The following HMCN1 variants were observed in gnomAD, a reference collection of about 807,000 sequenced individuals.
HMCN1 encodes the protein hemicentin 1, also known as hemicentin-1.
A neutral mutation model predicts 625.9 loss-of-function variants in HMCN1; 321 were observed. The observed-to-expected ratio is 0.51, with a 90% CI of 0.47 to 0.56. HMCN1 has a LOEUF of 0.56. HMCN1 is among the 20% of genes least tolerant of loss of function. The pLI, the probability that HMCN1 is intolerant of heterozygous loss-of-function variation, is 0.00. For synonymous variants in HMCN1, 2,425 were observed against 2,417.6 expected, an observed-to-expected ratio of 1.00 and a Z score of -0.09; for missense variants, 6,588 against 6,887.3, an observed-to-expected ratio of 0.96 and a Z score of 1.54.
At chr1:186,100,890 C>T (rs1660353951) in intron 68 of HMCN1, among the ~76,000 whole-genome samples, 2 of 152,114 alleles carry the variant, frequency 1.3e-5, no homozygotes, top group Non-Finnish European at 2.9e-5. Context: ...TAACTAGATG[C>T]TGTTCTAGAT....
At chr1:185,852,352 TA>T (rs1356495821) in intron 2 of HMCN1, among the ~76,000 whole-genome samples, 1 of 151,796 alleles carries the variant, frequency 6.6e-6, no homozygotes, top group Non-Finnish European at 1.5e-5. Flanking sequence ...ATATGAATTT[TA>T]AAAAAACATA....
chr1:186,117,012 A>G lies in HMCN1; in HGVS notation c.11580A>G (p.Ser3860=). ...QNSYRLLSSG[S]LVIISPSVDD... ...CTTCTAGGCTCCTTTCTTCAGGTTC[A>G]CTAGTAATTATTTCCCCTTCTGTGG... is the stretch of plus-strand genomic sequence containing the variant. The change falls in exon 76 of 107, where the codon TCA becomes TCG. Residue 3860 remains serine, a synonymous_variant. Transcript: ENST00000271588. 1 of 1,613,154 alleles carries G rather than the reference A, an allele frequency of 6.2e-7. No homozygotes were observed. Among genetic ancestry groups the G allele is most frequent in the Non-Finnish European group, 8.5e-7 (1 of 1,179,298 alleles).
At chr1:185,799,353 C>G (rs1179404794) in intron 1 of HMCN1, among the ~76,000 whole-genome samples, 3 of 152,136 alleles carry the variant, frequency 2.0e-5, no homozygotes, top group Admixed American at 6.5e-5. Context: ...AGGAAACTCT[C>G]TGGTACCTTA....
At position 186,065,405 on chromosome 1, in the gene HMCN1, A is replaced by C. The variant is rs780755707; in HGVS notation, c.7681A>C (p.Arg2561=). The C allele has an allele frequency of 6.8e-6, 11 of 1,607,752 alleles. No individual in the cohort carries two copies. In the African/African-American group the frequency reaches 1.5e-4, roughly 21 times the overall value. ...TTCCAGTCCAGCTGGCCACAAGAGC[A>C]GGAGCTTCAGTCTTAATGTATTTGG... ...LASSPAGHKS[R]SFSLNVFVSP... The change falls in exon 49 of 107, where the codon AGG becomes CGG. Residue 2561 remains arginine, a synonymous_variant. Coordinates refer to ENST00000271588, the MANE Select transcript of HMCN1 (RefSeq NM_031935.3).
At chr1:185,822,299 G>A (rs910578630) in intron 1 of HMCN1, among the ~76,000 whole-genome samples, 7 of 152,092 alleles carry the variant, frequency 4.6e-5, no homozygotes, top group African/African-American at 1.4e-4. Context: ...GTTGTGGGGC[G>A]GGGTGGGCAG....
chr1:185,956,157 T>A (rs1232314545), intron 11 of HMCN1, among the ~76,000 whole-genome samples: 3 of 152,160 alleles, frequency 2.0e-5, no homozygotes, highest in African/African-American at 7.2e-5. Flanking sequence ...TCTTTCCCAT[T>A]CCATATACCG....
chr1:185,999,018 T>C (rs1371450088), intron 25 of HMCN1, among the ~76,000 whole-genome samples: 1 of 152,052 alleles, frequency 6.6e-6, no homozygotes, highest in Non-Finnish European at 1.5e-5. Flanking sequence ...ATTAAATAGG[T>C]CAATCTTTAA....
intron 2 of HMCN1, among the ~76,000 whole-genome samples, chr1:185,857,308 A>T (rs2102340682): frequency 6.6e-6 from 1 of 152,306 alleles, no homozygotes; most frequent in East Asian, 1.9e-4. Context: ...AATGTCAATC[A>T]AAATATTGAG....
chr1:185,738,616 CTGTT>C (rs1653758699), intron 1 of HMCN1, among the ~76,000 whole-genome samples: 1 of 152,192 alleles, frequency 6.6e-6, no homozygotes, highest in African/African-American at 2.4e-5. Context: ...CTATGTTTAA[CTGTT>C]TGAGAAACTG....
chr1:185,735,165 G>GA, intron 1 of HMCN1, 118 bp downstream of exon 1: 1 of 1,136,714 alleles, frequency 8.8e-7, no homozygotes, highest in Non-Finnish European at 1.3e-6. Context: ...ATGTGCAGCT[G>GA]AAAATAGTTG....
intron 1 of HMCN1, among the ~76,000 whole-genome samples, chr1:185,836,673 G>C (rs984777987): frequency 6.6e-6 from 1 of 152,112 alleles, no homozygotes; most frequent in African/African-American, 2.4e-5. Flanking sequence ...GGGTACATGT[G>C]CAGGTTTGTT....
Position 186,144,308 on chromosome 1 carries a change from C to T in HMCN1, c.14060C>T (p.Thr4687Ile). ...GGGTCCTACTGTGATGGAGCAGAAA[C>T]ACAGATGCAAGTTTGCAATGAAAGA... The part of the protein sequence containing the change: ...FGGSYCDGAE[T>I]QMQVCNERNC... The change falls in exon 90 of 107, where the codon ACA becomes ATA. Residue 4687 changes from threonine (T) to isoleucine (I), a missense_variant. Physicochemically the swap from Thr to Ile is moderately conservative, Grantham distance 89 (BLOSUM62 -1). Transcript: ENST00000271588. The T allele has an allele frequency of 6.2e-7, 1 of 1,613,910 alleles. No individual in the cohort carries two copies. Among genetic ancestry groups the T allele is most frequent in the Non-Finnish European group, 8.5e-7 (1 of 1,179,990 alleles).
At position 186,016,085 on chromosome 1, in the gene HMCN1, T is replaced by C. The variant is rs1654348308; in HGVS notation, c.5037T>C (p.Gly1679=). 1.2e-6 allele frequency: 2 copies of C among 1,613,478 alleles called. No individual in the cohort carries two copies. The highest frequency in any genetic ancestry group is 4.5e-5 in the East Asian group (2 of 44,806). The change falls in exon 32 of 107, where the codon GGT becomes GGC. Residue 1679 remains glycine, a synonymous_variant. Coordinates refer to ENST00000271588, the MANE Select transcript of HMCN1 (RefSeq NM_031935.3). ...CCATTCTCACCTGGTTGAAAGATGG[T>C]GTACCTGTGAAAGCTAATGACAATA... ...PSPILTWLKD[G]VPVKANDNIR...
At chr1:185,738,618 G>A (rs987429721) in intron 1 of HMCN1, among the ~76,000 whole-genome samples, 1 of 152,140 alleles carries the variant, frequency 6.6e-6, no homozygotes, top group African/African-American at 2.4e-5. Context: ...ATGTTTAACT[G>A]TTTGAGAAAC....
chr1:185,974,308 CTATAA>C (rs1367615422), intron 15 of HMCN1, among the ~76,000 whole-genome samples: 19 of 152,092 alleles, frequency 1.2e-4, no homozygotes, highest in South Asian at 2.1e-4. Flanking sequence ...TAAGTTAACT[CTATAA>C]TATGTTTAAT....
At chr1:185,915,255 A>C (rs1479105763) in intron 6 of HMCN1, among the ~76,000 whole-genome samples, 2 of 152,098 alleles carry the variant, frequency 1.3e-5, no homozygotes, top group African/African-American at 4.8e-5. Flanking sequence ...AGATTGTTTT[A>C]TGCTCCTAAA....
intron 47 of HMCN1, among the ~76,000 whole-genome samples, chr1:186,062,296 A>G (rs1034503468): frequency 6.6e-6 from 1 of 152,194 alleles, no homozygotes; most frequent in Non-Finnish European, 1.5e-5. Flanking sequence ...TGCAGACTTA[A>G]TGATTTACAT....
chr1:186,103,549 A>G lies in HMCN1; in HGVS notation c.10651A>G (p.Ile3551Val). The G allele has an allele frequency of 3.1e-6, 5 of 1,613,908 alleles. No homozygotes were observed. The highest frequency in any genetic ancestry group is 1.1e-5 in the South Asian group (1 of 91,074). The change falls in exon 69 of 107, where the codon ATT becomes GTT. Residue 3551 changes from isoleucine to valine, a missense_variant. By Grantham distance (29) the Ile-to-Val change is conservative. Coordinates refer to ENST00000271588, the MANE Select transcript of HMCN1 (RefSeq NM_031935.3). ...IVNNPLELTCIASGIPAPKMT... is the reference protein window; with the variant it reads ...IVNNPLELTCVASGIPAPKMT... ...TAATAACCCACTTGAACTTACCTGCATTGCTTCTGGAATCCCAGCCCCTAA... is the reference window on the plus strand; with the variant it reads ...TAATAACCCACTTGAACTTACCTGCGTTGCTTCTGGAATCCCAGCCCCTAA...
intron 2 of HMCN1, among the ~76,000 whole-genome samples, chr1:185,846,418 C>A (rs1661819714): frequency 6.6e-6 from 1 of 152,072 alleles, no homozygotes; most frequent in Non-Finnish European, 1.5e-5. Context: ...AGTCTTTTTG[C>A]TTAGAAATAT....
Sources: allele counts gnomAD v4.1 joint callset (sites outside exome capture counted in the v4.1 genomes callset), GRCh38; gene constraint gnomAD v4.1.1; transcripts MANE v1.5; gene names NCBI Gene and HGNC (gene_info 2026-07-23, HGNC 2026-07-21).